Variants in PTPRM observed in about 807,000 individuals in gnomAD.
PTPRM encodes receptor-type tyrosine-protein phosphatase mu.
A neutral mutation model predicts 186.7 loss-of-function variants in PTPRM; 47 were observed. That is an observed-to-expected ratio of 0.25 (90% CI 0.20 to 0.32). PTPRM has a LOEUF of 0.32. PTPRM is among the 10% of genes least tolerant of loss of function. The pLI, the probability that PTPRM is intolerant of heterozygous loss-of-function variation, is 1.00. For missense variants in PTPRM, 1,494 were observed against 1,865.0 expected, an observed-to-expected ratio of 0.80 and a Z score of 3.66; for synonymous variants, 668 against 674.9, an observed-to-expected ratio of 0.99 and a Z score of 0.16.
At chr18:7,912,434 T>C (rs1179446915) in intron 4 of PTPRM, among the ~76,000 whole-genome samples, 1 of 152,214 alleles carries the variant, frequency 6.6e-6, no homozygotes, top group Non-Finnish European at 1.5e-5. Flanking sequence ...AACTTTTTAG[T>C]AAATTTTGAA....
chr18:8,125,492 A>G (rs1004955937), intron 13 of PTPRM, among the ~76,000 whole-genome samples: 13 of 152,104 alleles, frequency 8.5e-5, no homozygotes, highest in African/African-American at 2.9e-4. Context: ...CAAACATAAG[A>G]TATACCCTGA....
Position 8,121,977 on chromosome 18 carries a change from C to T in PTPRM, c.2167+7150C>T, listed in dbSNP as rs911368023. Reference sequence around the variant, plus strand: ...TTCCTTTTTTTCTTCTTCAGTTGATCTATCCAAGATCTCAGCCAAACCTTG... The same window carrying T: ...TTCCTTTTTTTCTTCTTCAGTTGATTTATCCAAGATCTCAGCCAAACCTTG... On this transcript the variant is annotated intron_variant, in intron 13 of 32. Transcript: ENST00000580170. 2.6e-5 allele frequency: 4 copies of T among 152,138 alleles called. No individual in the cohort carries two copies. The South Asian group carries it at 8.3e-4, about 32-fold the overall frequency. 9.4% of individuals were successfully genotyped at this position (152,138 alleles called of 1,614,324 possible). A position where few individuals can be genotyped will look rare whatever the true frequency, so the allele number is the denominator to read the frequency against.
chr18:8,344,197 T>G (rs968857724), intron 23 of PTPRM, among the ~76,000 whole-genome samples: 1 of 152,112 alleles, frequency 6.6e-6, no homozygotes, highest in African/African-American at 2.4e-5. Flanking sequence ...TTGTGCTAAC[T>G]GAAGAGAAGT....
intron 3 of PTPRM, among the ~76,000 whole-genome samples, chr18:7,895,291 T>G (rs1164362967): frequency 6.6e-6 from 1 of 152,200 alleles, no homozygotes; most frequent in Non-Finnish European, 1.5e-5. Flanking sequence ...GTTGAGCCAC[T>G]GTTAAGATTT....
rs889409744 is a variant in PTPRM at position 7,877,404 on chromosome 18, G to A, written c.197-10702G>A. Among the ~76,000 whole-genome samples the A allele has an allele frequency of 3.3e-5, 5 of 152,170 alleles. No homozygotes were observed. The East Asian group carries it at 7.7e-4, about 23-fold the overall frequency. ...ATGTTGGTAACCTGTGTAATCGCAT[G>A]ATCATTGATACACATAAATTTTATG... On this transcript the variant is annotated intron_variant, in intron 2 of 32. Transcript: ENST00000580170.
chr18:8,349,991 A>C (rs2095525839), intron 23 of PTPRM, among the ~76,000 whole-genome samples: 1 of 152,158 alleles, frequency 6.6e-6, no homozygotes, highest in African/African-American at 2.4e-5. Context: ...CTAAGACAGA[A>C]AGGTGAAGGA....
intron 11 of PTPRM, among the ~76,000 whole-genome samples, chr18:8,109,862 C>T (rs532023459): frequency 1.3e-5 from 2 of 152,104 alleles, no homozygotes; most frequent in South Asian, 2.1e-4. Flanking sequence ...AGAGACACAG[C>T]GTTTGATTCC....
chr18:7,882,304 C>G (rs1171147657), intron 2 of PTPRM, among the ~76,000 whole-genome samples: 1 of 151,918 alleles, frequency 6.6e-6, no homozygotes, highest in East Asian at 1.9e-4. Context: ...CTGAGATGCA[C>G]TGGACTTTTT....
intron 5 of PTPRM, among the ~76,000 whole-genome samples, chr18:7,933,170 TA>T (rs2051588796): frequency 6.6e-6 from 1 of 152,204 alleles, no homozygotes; most frequent in Non-Finnish European, 1.5e-5. Context: ...TTACTTTACT[TA>T]ACCATTGCCC....
intron 14 of PTPRM, among the ~76,000 whole-genome samples, chr18:8,221,049 T>C (rs2094147504): frequency 6.6e-6 from 1 of 152,188 alleles, no homozygotes; most frequent in Non-Finnish European, 1.5e-5. Context: ...TTGATACAAC[T>C]TAGACTTGAA....
At chr18:7,912,031 T>C (rs2050300626) in intron 4 of PTPRM, among the ~76,000 whole-genome samples, 1 of 151,950 alleles carries the variant, frequency 6.6e-6, no homozygotes. Flanking sequence ...TTTGTATTTT[T>C]AGTAGAGACG....
At chr18:8,085,944 G>C in intron 10 of PTPRM, 72 bp downstream of exon 10, 4 of 1,446,140 alleles carry the variant, frequency 2.8e-6, no homozygotes, top group Admixed American at 1.7e-5. Context: ...CCATTGTCAA[G>C]TATGCCAAGC....
intron 11 of PTPRM, among the ~76,000 whole-genome samples, chr18:8,098,946 A>G (rs1026333949): frequency 9.2e-5 from 14 of 152,182 alleles, no homozygotes; most frequent in Admixed American, 7.9e-4. Flanking sequence ...CTAATGGGGA[A>G]GCCTCTGGCT....
chr18:8,398,786 A>AC (rs1227892170), intron 32 of PTPRM, among the ~76,000 whole-genome samples: 2 of 151,362 alleles, frequency 1.3e-5, no homozygotes, highest in East Asian at 1.9e-4. Context: ...AAAAAAAAAA[A>AC]CTATTAATTC....
At chr18:8,290,450 C>T (rs1181670188) in intron 19 of PTPRM, among the ~76,000 whole-genome samples, 1 of 151,270 alleles carries the variant, frequency 6.6e-6, no homozygotes, top group Non-Finnish European at 1.5e-5. Context: ...CAGACTGCAT[C>T]GTTTTGGAGT....
intron 2 of PTPRM, among the ~76,000 whole-genome samples, chr18:7,874,807 A>G (rs1275060197): frequency 6.6e-6 from 1 of 152,242 alleles, no homozygotes; most frequent in Non-Finnish European, 1.5e-5. Flanking sequence ...CACTGAGTTC[A>G]GTTATTTTAA....
intron 14 of PTPRM, among the ~76,000 whole-genome samples, chr18:8,148,105 C>CT (rs1323123963): frequency 5.3e-5 from 8 of 152,152 alleles, no homozygotes; most frequent in Non-Finnish European, 1.2e-4. Context: ...CTGAAATTTT[C>CT]TTTTTTTGTT....
At chr18:8,035,891 G>A (rs1027143499) in intron 7 of PTPRM, among the ~76,000 whole-genome samples, 4 of 152,130 alleles carry the variant, frequency 2.6e-5, no homozygotes, top group Non-Finnish European at 5.9e-5. Flanking sequence ...GAGGTTCAAG[G>A]TGAATAAGGA....
chr18:7,716,031 CA>C (rs2040321960), intron 1 of PTPRM, among the ~76,000 whole-genome samples: 1 of 152,082 alleles, frequency 6.6e-6, no homozygotes, highest in Non-Finnish European at 1.5e-5. Context: ...CACATGGAAC[CA>C]AAAATAGTCC....
Sources: allele counts gnomAD v4.1 joint callset (sites outside exome capture counted in the v4.1 genomes callset), GRCh38; gene constraint gnomAD v4.1.1; transcripts MANE v1.5; gene names NCBI Gene and HGNC (gene_info 2026-07-23, HGNC 2026-07-21).